Variants in AHCYL2 observed in about 807,000 individuals in gnomAD.
AHCYL2 encodes adenosylhomocysteinase like 2, also known as S-adenosylhomocysteine hydrolase-like protein 2.
A neutral mutation model predicts 81.4 loss-of-function variants in AHCYL2; 28 were observed. The observed-to-expected ratio is 0.34, with a 90% CI of 0.25 to 0.47. The LOEUF is 0.47. Among genes scored for constraint, AHCYL2 ranks in the 20% least tolerant of loss-of-function variants. AHCYL2 has a pLI of 1.00. For missense variants in AHCYL2, 551 were observed against 785.1 expected, an observed-to-expected ratio of 0.70 and a Z score of 3.56; for synonymous variants, 272 against 290.2, an observed-to-expected ratio of 0.94 and a Z score of 0.64.
Position 129,264,267 on chromosome 7 carries a change from C to T in AHCYL2, c.363+38828C>T, listed in dbSNP as rs184167851. On this transcript the variant is annotated intron_variant, in intron 1 of 16. Transcript: ENST00000325006. ...CAATCTCCTGACCTCGTGATCCACC[C>T]GCCTCAGCCTCCCAAAGTGCGGGAT... Among the ~76,000 whole-genome samples, 1,411 of 152,282 alleles carry T rather than the reference C, an allele frequency of 9.3e-3. 9 individuals carry two copies. The highest frequency in any genetic ancestry group is 0.013 in the Non-Finnish European group (869 of 68,014).
At chr7:129,384,964 A>G (rs12706876) in intron 2 of AHCYL2, among the ~76,000 whole-genome samples, 3,664 of 152,298 alleles carry the variant, frequency 0.024, 74 homozygotes, top group Admixed American at 0.057. Flanking sequence ...TCCCCTAAGG[A>G]AAAAAACCTC....
At position 129,337,202 on chromosome 7, in the gene AHCYL2, T is replaced by A. The variant is rs551109347; in HGVS notation, c.364-42436T>A. Among the ~76,000 whole-genome samples, 7 of 152,266 alleles carry A rather than the reference T, an allele frequency of 4.6e-5. No homozygotes were observed. The East Asian group carries it at 1.2e-3, about 25-fold the overall frequency. On this transcript the variant is annotated intron_variant, in intron 1 of 16. Coordinates refer to ENST00000325006, the MANE Select transcript of AHCYL2 (RefSeq NM_015328.4). ...TCCCCTAAGGCTATCACTATTACTA[T>A]TTTTTTGAGTGTATTTCCAGAGATT...
intron 1 of AHCYL2, among the ~76,000 whole-genome samples, chr7:129,296,234 A>G (rs1021010385): frequency 6.6e-6 from 1 of 152,212 alleles, no homozygotes; most frequent in African/African-American, 2.4e-5. Flanking sequence ...AAAATCAAGG[A>G]AATAATAGGA....
At chr7:129,404,992 T>G (rs113500122) in intron 7 of AHCYL2, 105 bp from the exon 8 acceptor site, 2 of 613,820 alleles carry the variant, frequency 3.3e-6, no homozygotes, top group African/African-American at 3.8e-5. Flanking sequence ...TCATGTCTCA[T>G]GGTCTCATGC....
intron 7 of AHCYL2, among the ~76,000 whole-genome samples, chr7:129,403,771 G>A (rs1796149192): frequency 6.8e-6 from 1 of 146,576 alleles, no homozygotes; most frequent in Admixed American, 7.1e-5. Context: ...TGAGGGAGGA[G>A]AATGGCATGA....
intron 1 of AHCYL2, among the ~76,000 whole-genome samples, chr7:129,367,827 T>G (rs1794181680): frequency 6.6e-6 from 1 of 152,218 alleles, no homozygotes. Flanking sequence ...TTGAAAAAGA[T>G]CTTCCTAGGC....
intron 5 of AHCYL2, among the ~76,000 whole-genome samples, chr7:129,399,163 A>T (rs899985214): frequency 6.9e-6 from 1 of 145,620 alleles, no homozygotes; most frequent in African/African-American, 2.6e-5. Flanking sequence ...AAAAAAAAAA[A>T]AGAGGCCAGG....
chr7:129,330,021 A>T (rs1798361611), intron 1 of AHCYL2, among the ~76,000 whole-genome samples: 2 of 152,228 alleles, frequency 1.3e-5, no homozygotes, highest in Admixed American at 1.3e-4. Flanking sequence ...TTTAAAAGAC[A>T]GATGAGGTCT....
chr7:129,242,076 A>G (rs1563163411), intron 1 of AHCYL2, among the ~76,000 whole-genome samples: 2 of 152,178 alleles, frequency 1.3e-5, no homozygotes, highest in Admixed American at 6.6e-5. Flanking sequence ...TAAACTTTAC[A>G]TAAATGGTAT....
In AHCYL2 at chr7:129,353,364, G is replaced by A. The variant is rs192339145; in HGVS notation, c.364-26274G>A. Among the ~76,000 whole-genome samples the A allele has an allele frequency of 3.9e-5, 6 of 151,928 alleles. No individual in the cohort carries two copies. In the East Asian group the frequency reaches 1.2e-3, roughly 29 times the overall value. ...ATGCCAAGTTCTTTCTTACATCAGG[G>A]GTTTTGCAATTACTATTTTCTTTCT... On this transcript the variant is annotated intron_variant, in intron 1 of 16. Coordinates refer to ENST00000325006, the MANE Select transcript of AHCYL2 (RefSeq NM_015328.4).
intron 1 of AHCYL2, among the ~76,000 whole-genome samples, chr7:129,281,558 G>A (rs186008350): frequency 4.9e-5 from 7 of 144,134 alleles, no homozygotes; most frequent in South Asian, 2.2e-4. Context: ...GTGCAATGGC[G>A]TGATCTCGGC....
intron 1 of AHCYL2, among the ~76,000 whole-genome samples, chr7:129,341,582 C>A (rs188209106): frequency 6.6e-6 from 1 of 151,968 alleles, no homozygotes; most frequent in African/African-American, 2.4e-5. Flanking sequence ...GTACCACTTA[C>A]CAGAGAAAGA....
At chr7:129,306,675 A>G (rs1483225073) in intron 1 of AHCYL2, among the ~76,000 whole-genome samples, 2 of 152,100 alleles carry the variant, frequency 1.3e-5, no homozygotes, top group African/African-American at 4.8e-5. Context: ...CTGGGCATTG[A>G]AGAGTTGGGT....
intron 1 of AHCYL2, among the ~76,000 whole-genome samples, chr7:129,291,663 C>T (rs941970873): frequency 4.7e-5 from 7 of 149,892 alleles, no homozygotes; most frequent in Admixed American, 6.7e-5. Context: ...AGTGCAGTGG[C>T]GTGATCTCAG....
chr7:129,384,702 C>T (rs1352695169), intron 2 of AHCYL2, among the ~76,000 whole-genome samples: 4 of 152,216 alleles, frequency 2.6e-5, no homozygotes, highest in Non-Finnish European at 5.9e-5. Flanking sequence ...TTAGGAACCT[C>T]TGCCAGCTTT....
At chr7:129,362,678 C>T (rs1793976669) in intron 1 of AHCYL2, among the ~76,000 whole-genome samples, 1 of 140,558 alleles carries the variant, frequency 7.1e-6, no homozygotes, top group Non-Finnish European at 1.5e-5. Flanking sequence ...TGGAAGGAAC[C>T]AGTTCTAACC....
At chr7:129,424,965 G>A (rs960891853) in intron 14 of AHCYL2, 23 bp downstream of exon 14, 1 of 1,614,000 alleles carries the variant, frequency 6.2e-7, no homozygotes, top group African/African-American at 1.3e-5. Flanking sequence ...GAGTGGGATA[G>A]CAGTAGTCTG....
chr7:129,395,353 T>C (rs1795676314), intron 4 of AHCYL2, among the ~76,000 whole-genome samples: 1 of 152,226 alleles, frequency 6.6e-6, no homozygotes, highest in Non-Finnish European at 1.5e-5. Flanking sequence ...TGGTGCAGTC[T>C]CAGTCTTAGG....
chr7:129,238,623 AATTGAGGTGAAACCCAAGAGGTTTC>A (rs760682572), intron 1 of AHCYL2, among the ~76,000 whole-genome samples: 2 of 152,124 alleles, frequency 1.3e-5, no homozygotes, highest in African/African-American at 2.4e-5. Context: ...TCAGCACTGA[AATTGAGGTGAAACCCAAGAGGTTTC>A]ACCATGTGTC....
Sources: gnomAD v4.1 joint callset for allele counts (sites outside exome capture counted in the v4.1 genomes callset) on GRCh38, gnomAD v4.1.1 for gene constraint, MANE v1.5 for transcripts, NCBI Gene and HGNC (gene_info 2026-07-23, HGNC 2026-07-21) for gene names.